The following PIM3 variants were observed in gnomAD, a reference collection of about 807,000 sequenced individuals.
PIM3 encodes serine/threonine-protein kinase pim-3.
In PIM3, 13 loss-of-function variants were observed where a neutral mutation model predicts 27.5. That is an observed-to-expected ratio of 0.47 (90% CI 0.31 to 0.75). The LOEUF is 0.75. Ranked by LOEUF, PIM3 falls within the 30% of genes least tolerant of loss-of-function variation. PIM3 has a pLI of 0.05. For synonymous variants in PIM3, 341 were observed against 221.1 expected (o/e 1.54, Z -4.81); for missense variants, 482 against 476.9 (o/e 1.01, Z -0.10).
rs751412457 is a variant in PIM3, at chr22:49,963,786, G to A, written c.*659G>A. The A allele has an allele frequency of 4.6e-5, 7 of 152,458 alleles. No homozygotes were observed. The highest frequency in any genetic ancestry group is 7.2e-5 in the African/African-American group (3 of 41,450). 9.4% of individuals were successfully genotyped at this position (152,458 alleles called of 1,614,324 possible). On this transcript the variant is annotated 3_prime_UTR_variant, in exon 6 of 6. Coordinates refer to ENST00000360612, the MANE Select transcript of PIM3 (RefSeq NM_001001852.4). ...TCTGTCCCGGCCCCGCCTGTCAGAA[G>A]ATGAACATGTATAGTGGCTAACTTA... is the stretch of plus-strand genomic sequence containing the variant.
In PIM3 at chr22:49,961,794, T is replaced by C. The variant is rs761514782; in HGVS notation, c.599T>C (p.Val200Ala). The C allele has an allele frequency of 6.2e-7, 1 of 1,610,858 alleles. No homozygotes were observed. The highest frequency in any genetic ancestry group is 8.5e-7 in the Non-Finnish European group (1 of 1,179,092). Residue 200 changes from valine (V) to alanine (A), a missense_variant, in exon 4 of 6, where the codon GTC becomes GCC. Transcript: ENST00000360612. ...FGSGALLKDT[V>A]YTDFDGTRVY... ...TCGGGTGCGCTGCTCAAGGACACGG[T>C]CTACACCGACTTCGACGGTGAGCGC...
chr22:49,961,818 G>A lies in PIM3; in HGVS notation c.616+7G>A, dbSNP rs1314678102. On this transcript the variant is annotated splice_region_variant and intron_variant, in intron 4 of 5. Transcript: ENST00000360612. ...GTCTACACCGACTTCGACGGTGAGC[G>A]CGGGCGCGGGGCAGGGAACGTTCCG... is the stretch of plus-strand genomic sequence containing the variant. 5.6e-6 allele frequency: 9 copies of A among 1,611,276 alleles called. No individual in the cohort carries two copies. Among genetic ancestry groups the A allele is most frequent in the Middle Eastern group, 1.7e-4 (1 of 5,994 alleles).
rs2060923890 is a variant in PIM3, at chr22:49,963,969, T to C, written c.*842T>C. On this transcript the variant is annotated 3_prime_UTR_variant, in exon 6 of 6. Coordinates refer to ENST00000360612, the MANE Select transcript of PIM3 (RefSeq NM_001001852.4). ...AGTACCTGTGTTTGTGTGAATGCGG[T>C]GTGTGCAGGCATCGCAGATGGGGGT... The C allele has an allele frequency of 6.6e-6, 1 of 152,382 alleles. No individual in the cohort carries two copies. Among genetic ancestry groups the C allele is most frequent in the East Asian group, 1.9e-4 (1 of 5,336 alleles). The allele number at this position is 152,382 out of a possible 1,614,324, so 9.4% of individuals were successfully genotyped here.
rs764695225 is a variant in PIM3, at chr22:49,961,165, G to T, written c.126G>T (p.Val42=). The change falls in exon 2 of 6, where the codon GTG becomes GTT. Residue 42 remains valine, a synonymous_variant. Transcript: ENST00000360612. ...AGAGCTTCGAGAAGGCGTACCAGGT[G>T]GGCGCCGTGCTGGGTAGCGGCGGCT... ...DKESFEKAYQ[V]GAVLGSGGFG... The T allele has an allele frequency of 1.3e-6, 2 of 1,532,502 alleles. No individual in the cohort carries two copies. Among genetic ancestry groups the T allele is most frequent in the Non-Finnish European group, 1.7e-6 (2 of 1,143,424 alleles). 94.9% of individuals were successfully genotyped at this position (1,532,502 alleles called of 1,614,324 possible).
chr22:49,961,430 C>G lies in PIM3; in HGVS notation c.247-12C>G. ...CGGGCGCGGGGCTTTTGCTGACCGC[C>G]GTGTCCCCCAGGGCGGCGCGACCGT... is the stretch of plus-strand genomic sequence containing the variant. On this transcript the variant is annotated splice_polypyrimidine_tract_variant and intron_variant, in intron 3 of 5. Transcript: ENST00000360612. 9 of 1,416,880 alleles carry G rather than the reference C, an allele frequency of 6.4e-6. No individual in the cohort carries two copies. The highest frequency in any genetic ancestry group is 8.3e-6 in the Non-Finnish European group (9 of 1,089,620). The allele number at this position is 1,416,880 out of a possible 1,614,324, so 87.8% of individuals were successfully genotyped here. A position where few individuals can be genotyped will look rare whatever the true frequency, so the allele number is the denominator to read the frequency against.
In PIM3 at chr22:49,960,989, G is replaced by C. The variant is rs748093874; in HGVS notation, c.42G>C (p.Gly14=). ...TCGGCTCCCTGGCGCACCTCTGCGGGCCCGGCGGCGTGGACCACCTCCCGG... is the reference window on the plus strand; with the variant it reads ...TCGGCTCCCTGGCGCACCTCTGCGGCCCCGGCGGCGTGGACCACCTCCCGG... ...SKFGSLAHLC[G]PGGVDHLPVK... is the part of the protein sequence containing the mutation. The change falls in exon 1 of 6, where the codon GGG becomes GGC. Residue 14 remains glycine (G), a synonymous_variant. Coordinates refer to ENST00000360612, the MANE Select transcript of PIM3 (RefSeq NM_001001852.4). 1 of 1,395,708 alleles carries C rather than the reference G, an allele frequency of 7.2e-7. No individual in the cohort carries two copies. The highest frequency in any genetic ancestry group is 3.3e-5 in the East Asian group (1 of 29,988). The allele number at this position is 1,395,708 out of a possible 1,614,324, so 86.5% of individuals were successfully genotyped here.
chr22:49,961,282 C>T lies in PIM3; in HGVS notation c.196-36C>T, dbSNP rs769131325. On this transcript the variant is annotated intron_variant, in intron 2 of 5. Transcript: ENST00000360612. ...CCCGGGTTTCTCGCGCGCCTTGCGCCTCGCTTGGCCCGGCCTGACCCCCGC... is the reference window on the plus strand; with the variant it reads ...CCCGGGTTTCTCGCGCGCCTTGCGCTTCGCTTGGCCCGGCCTGACCCCCGC... The T allele has an allele frequency of 4.5e-4, 693 of 1,540,690 alleles. 3 individuals are homozygous for T. Among genetic ancestry groups the T allele is most frequent in the Non-Finnish European group, 2.3e-4 (269 of 1,148,966 alleles).
chr22:49,963,092 G>C lies in PIM3; in HGVS notation c.946G>C (p.Val316Leu), dbSNP rs781230691. 2 of 1,610,356 alleles carry C rather than the reference G, an allele frequency of 1.2e-6. No individual in the cohort carries two copies. Among genetic ancestry groups the C allele is most frequent in the East Asian group, 2.2e-5 (1 of 44,756 alleles). Residue 316 changes from valine to leucine, a missense_variant, in exon 6 of 6, where the codon GTG (valine) becomes CTG (leucine). Transcript: ENST00000360612. ...LRLCTLDPDD[V>L]ASTTSSSESL ...GCTGTGCACCCTCGACCCTGATGACGTGGCCAGCACCACGTCCAGCAGCGA... is the reference window on the plus strand; with the variant it reads ...GCTGTGCACCCTCGACCCTGATGACCTGGCCAGCACCACGTCCAGCAGCGA...
In PIM3 at chr22:49,961,033, G is replaced by T. The variant is rs1282419385; in HGVS notation, c.85+1G>T. The T allele has an allele frequency of 7.3e-7, 1 of 1,366,250 alleles. No homozygotes were observed. Among genetic ancestry groups the T allele is most frequent in the Non-Finnish European group, 9.5e-7 (1 of 1,048,512 alleles). 84.6% of individuals were successfully genotyped at this position (1,366,250 alleles called of 1,614,324 possible). On this transcript the variant is annotated splice_donor_variant, in intron 1 of 5. Coordinates refer to ENST00000360612, the MANE Select transcript of PIM3 (RefSeq NM_001001852.4). LOFTEE classifies it high-confidence loss of function. ...CTCCCGGTGAAGATCCTGCAGCCAG[G>T]TACGCGCGGGGCCGGCGGGGCCGGG...
chr22:49,962,349 C>A (rs1482689644), intron 4 of PIM3, among the ~76,000 whole-genome samples: 1 of 143,584 alleles, frequency 7.0e-6, no homozygotes, highest in Non-Finnish European at 1.5e-5. Flanking sequence ...CTCCCTCTCT[C>A]CCCTCCCCCC....
Position 49,963,037 on chromosome 22 carries a change from C to T in PIM3, c.891C>T (p.Asp297=), listed in dbSNP as rs1569200434. The T allele has an allele frequency of 1.2e-6, 2 of 1,611,358 alleles. No homozygotes were observed. Among genetic ancestry groups the T allele is most frequent in the Non-Finnish European group, 1.7e-6 (2 of 1,179,116 alleles). The change falls in exon 6 of 6, where the codon GAC becomes GAT. Residue 297 remains aspartate (D), a synonymous_variant. Coordinates refer to ENST00000360612, the MANE Select transcript of PIM3 (RefSeq NM_001001852.4). ...CCCATCCCTGGATGCTGGGGGCTGA[C>T]GGGGGCGTCCCGGAGAGCTGTGACC... ...IAAHPWMLGA[D]GGVPESCDLR... is the part of the protein sequence containing the mutation.
chr22:49,961,886 G>A, intron 4 of PIM3, 75 bp downstream of exon 4: 1 of 1,573,754 alleles, frequency 6.4e-7, no homozygotes, highest in Non-Finnish European at 8.6e-7. Context: ...GCGGCACATG[G>A]AGGGGCTGAT....
rs139618660 is a variant in PIM3, at chr22:49,962,780, C to T, written c.708C>T (p.Tyr236=). ...TGTGGTCGCTGGGCGTGCTTCTCTACGATATGGTGTGTGGGGACATCCCCT... is the reference window on the plus strand; with the variant it reads ...TGTGGTCGCTGGGCGTGCTTCTCTATGATATGGTGTGTGGGGACATCCCCT... ...ATVWSLGVLL[Y]DMVCGDIPFE... is the part of the protein sequence containing the mutation. Residue 236 remains tyrosine (Y), a synonymous_variant, in exon 5 of 6, where the codon TAC becomes TAT. Coordinates refer to ENST00000360612, the MANE Select transcript of PIM3 (RefSeq NM_001001852.4). 11 of 1,612,672 alleles carry T rather than the reference C, an allele frequency of 6.8e-6. No homozygotes were observed. The East Asian group carries it at 1.1e-4, about 16-fold the overall frequency.
At position 49,962,843 on chromosome 22, in the gene PIM3, C is replaced by T. The variant is rs961249882; in HGVS notation, c.771C>T (p.Leu257=). ...QDEEILRGRL[L]FRRRVSPECQ... is the part of the protein sequence containing the mutation. ...AGGAGATCCTCCGAGGCCGCCTGCTCTTCCGGAGGAGGGTCTCTCCAGGTG... is the reference window on the plus strand; with the variant it reads ...AGGAGATCCTCCGAGGCCGCCTGCTTTTCCGGAGGAGGGTCTCTCCAGGTG... Residue 257 remains leucine (L), a synonymous_variant, in exon 5 of 6, where the codon CTC becomes CTT. Coordinates refer to ENST00000360612, the MANE Select transcript of PIM3 (RefSeq NM_001001852.4). 3 of 1,610,400 alleles carry T rather than the reference C, an allele frequency of 1.9e-6. No homozygotes were observed. Among genetic ancestry groups the T allele is most frequent in the African/African-American group, 1.3e-5 (1 of 74,934 alleles).
rs2060922164 is a variant in PIM3, at chr22:49,963,748, C to G, written c.*621C>G. 1 of 152,400 alleles carries G rather than the reference C, an allele frequency of 6.6e-6. No individual in the cohort carries two copies. Among genetic ancestry groups the G allele is most frequent in the Non-Finnish European group, 1.5e-5 (1 of 68,088 alleles). The allele number at this position is 152,400 out of a possible 1,614,324, so 9.4% of individuals were successfully genotyped here. A position where few individuals can be genotyped will look rare whatever the true frequency, so the allele number is the denominator to read the frequency against. On this transcript the variant is annotated 3_prime_UTR_variant, in exon 6 of 6. Transcript: ENST00000360612. ...GGTCCAGGGACCCCAGGCCCTGATT[C>G]CTGTGCCTGGCGTCTGTCCCGGCCC... is the stretch of plus-strand genomic sequence containing the variant.
At chr22:49,962,905 G>GCCGGGGGC in intron 5 of PIM3, 35 bp from the exon 6 acceptor site, 1 of 1,599,248 alleles carries the variant, frequency 6.3e-7, no homozygotes, top group Non-Finnish European at 8.5e-7. Context: ...GCCTCGCCCT[G>GCCGGGGGC]CTTGGGCCCT....
At position 49,962,826 on chromosome 22, in the gene PIM3, C is replaced by T. The variant is rs773633337; in HGVS notation, c.754C>T (p.Leu252Phe). The change falls in exon 5 of 6, where the codon CTC (leucine) becomes TTC (phenylalanine). Residue 252 changes from leucine to phenylalanine, a missense_variant. Coordinates refer to ENST00000360612, the MANE Select transcript of PIM3 (RefSeq NM_001001852.4). ...DIPFEQDEEILRGRLLFRRRV... is the reference protein window; with the variant it reads ...DIPFEQDEEIFRGRLLFRRRV... ...CCCCTTCGAGCAGGACGAGGAGATC[C>T]TCCGAGGCCGCCTGCTCTTCCGGAG... 1.2e-6 allele frequency: 2 copies of T among 1,611,626 alleles called. No homozygotes were observed. The highest frequency in any genetic ancestry group is 8.5e-7 in the Non-Finnish European group (1 of 1,179,898).
In PIM3 at chr22:49,962,672, G is replaced by C; in HGVS notation, c.617-17G>C. On this transcript the variant is annotated splice_polypyrimidine_tract_variant and intron_variant, in intron 4 of 5. Coordinates refer to ENST00000360612, the MANE Select transcript of PIM3 (RefSeq NM_001001852.4). ...TCTGCCTCTGTGGTGGGCGTGCTAA[G>C]CCCTGTGTCCCCTTAGGCACCCGAG... 6.2e-7 allele frequency: 1 copy of C among 1,603,388 alleles called. No homozygotes were observed.
At chr22:49,962,905 G>C in intron 5 of PIM3, 35 bp from the exon 6 acceptor site, 1 of 1,599,248 alleles carries the variant, frequency 6.3e-7, no homozygotes, top group African/African-American at 1.3e-5. Flanking sequence ...GCCTCGCCCT[G>C]CTTGGGCCCT....
Sources: gnomAD v4.1 joint callset for allele counts (sites outside exome capture counted in the v4.1 genomes callset) on GRCh38, gnomAD v4.1.1 for gene constraint, MANE v1.5 for transcripts, NCBI Gene and HGNC (gene_info 2026-07-23, HGNC 2026-07-21) for gene names.